The following PDE11A variants were observed in gnomAD, a reference collection of about 807,000 sequenced individuals.
The protein encoded by PDE11A is phosphodiesterase 11A, also known as dual 3',5'-cyclic-AMP and -GMP phosphodiesterase 11A.
A neutral mutation model predicts 100.5 loss-of-function variants in PDE11A; 100 were observed. The observed-to-expected ratio is 1.00, with a 90% confidence interval of 0.85 to 1.18. PDE11A has a LOEUF of 1.18. Among genes scored for constraint, PDE11A ranks in the 50% most tolerant of loss-of-function variants. The pLI, the probability that PDE11A is intolerant of heterozygous loss-of-function variation, is 0.00. For synonymous variants in PDE11A, 381 were observed against 420.8 expected (o/e 0.91, Z 1.16); for missense variants, 1,141 against 1,152.6 (o/e 0.99, Z 0.15).
chr2:177,927,457 G>A (rs889413022), intron 2 of PDE11A, among the ~76,000 whole-genome samples: 1 of 152,176 alleles, frequency 6.6e-6, no homozygotes, highest in South Asian at 2.1e-4. Flanking sequence ...GATTATAAGA[G>A]AACAAAACTC....
chr2:178,036,108 T>TGTATATTTAGAAAACCCCATTG (rs1234642726), intron 1 of PDE11A, among the ~76,000 whole-genome samples: 3 of 152,218 alleles, frequency 2.0e-5, no homozygotes, highest in Admixed American at 2.0e-4. Flanking sequence ...ATGACATGAT[T>TGTATATTTAGAAAACCCCATTG]GTATATTTAG....
intron 13 of PDE11A, among the ~76,000 whole-genome samples, chr2:177,702,944 G>C (rs754853032): frequency 6.6e-6 from 1 of 152,058 alleles, no homozygotes; most frequent in Non-Finnish European, 1.5e-5. Flanking sequence ...CTTAATGTTA[G>C]TTACTATTTG....
intron 2 of PDE11A, among the ~76,000 whole-genome samples, chr2:177,996,816 A>G (rs192343495): frequency 6.6e-6 from 1 of 152,328 alleles, no homozygotes; most frequent in East Asian, 1.9e-4. Context: ...AAAGAGGAAA[A>G]TCAGTAACTT....
In PDE11A at chr2:177,979,091, AAAAG is replaced by A. The variant is rs1170444924; in HGVS notation, c.1071+35207_1071+35210del. 1.3e-4 allele frequency among the ~76,000 whole-genome samples: 18 copies of A among 142,910 alleles called. 1 individual carries two copies. In the South Asian group the frequency reaches 1.6e-3, roughly 13 times the overall value. 93.8% of individuals were successfully genotyped at this position (142,910 alleles called of 152,430 possible). On this transcript the variant is annotated intron_variant, in intron 2 of 19. Coordinates refer to ENST00000286063, the MANE Select transcript of PDE11A (RefSeq NM_016953.4). ...TTAGAGTATAATAAAAAAAAAAAAA[AAAAG>A]AAAGAAAATGGCTTACATGAATTTC...
In PDE11A at chr2:177,684,376, C is replaced by G. The variant is rs115671748; in HGVS notation, c.2346-3473G>C. Among the ~76,000 whole-genome samples, 291 of 152,160 alleles carry G rather than the reference C, an allele frequency of 1.9e-3. 2 individuals are homozygous for G. The highest frequency in any genetic ancestry group is 3.2e-3 in the Non-Finnish European group (218 of 67,994). On this transcript the variant is annotated intron_variant, in intron 15 of 19. Transcript: ENST00000286063. ...AGTGGGTGCCAAAAAACTTAGTTAT[C>G]AAGATAAATATTTTAATGTGATATT...
intron 10 of PDE11A, among the ~76,000 whole-genome samples, chr2:177,763,663 C>T (rs967816716): frequency 6.6e-6 from 1 of 152,154 alleles, no homozygotes; most frequent in Non-Finnish European, 1.5e-5. Flanking sequence ...AGGTCTACCC[C>T]TCTTCCTCTT....
upstream of PDE11A, among the ~76,000 whole-genome samples, chr2:178,073,646 T>C (rs1382352415): frequency 6.6e-6 from 1 of 152,230 alleles, no homozygotes; most frequent in Non-Finnish European, 1.5e-5. Flanking sequence ...CAGTAAATGT[T>C]AGCTGTTGTA....
chr2:177,659,526 CA>C (rs2080443323), intron 19 of PDE11A, among the ~76,000 whole-genome samples: 1 of 152,132 alleles, frequency 6.6e-6, no homozygotes, highest in Non-Finnish European at 1.5e-5. Context: ...AGCTAAAAAT[CA>C]GATTACATTC....
At chr2:178,059,553 G>C (rs1368717348) in intron 1 of PDE11A, among the ~76,000 whole-genome samples, 1 of 152,128 alleles carries the variant, frequency 6.6e-6, no homozygotes, top group Non-Finnish European at 1.5e-5. Flanking sequence ...TTTTCACTGA[G>C]TCCTATAAAT....
intron 1 of PDE11A, among the ~76,000 whole-genome samples, chr2:178,050,930 T>C (rs1288886470): frequency 1.3e-5 from 2 of 152,176 alleles, no homozygotes; most frequent in African/African-American, 4.8e-5. Flanking sequence ...TGGAAAACAA[T>C]CTTTAGGATA....
rs556914706 is a variant in PDE11A, at chr2:177,757,689, T to G, written c.1788+11634A>C. On this transcript the variant is annotated intron_variant, in intron 10 of 19. Coordinates refer to ENST00000286063, the MANE Select transcript of PDE11A (RefSeq NM_016953.4). ...TCACCTTTCGTGGGTGTGGATTTGA[T>G]TATAGTGAGTGTAAAGAAGTACCTG... Among the ~76,000 whole-genome samples, 3 of 152,154 alleles carry G rather than the reference T, an allele frequency of 2.0e-5. No homozygotes were observed. The East Asian group carries it at 5.8e-4, about 29-fold the overall frequency.
intron 5 of PDE11A, among the ~76,000 whole-genome samples, chr2:177,860,200 T>C (rs993548357): frequency 1.3e-5 from 2 of 150,470 alleles, no homozygotes; most frequent in African/African-American, 4.9e-5. Flanking sequence ...GTAAAATTGG[T>C]AATCCTTTAG....
intron 1 of PDE11A, among the ~76,000 whole-genome samples, chr2:178,049,535 G>A (rs972173921): frequency 1.3e-5 from 2 of 152,332 alleles, no homozygotes; most frequent in Non-Finnish European, 2.9e-5. Context: ...TGGAGCATGA[G>A]CCGAAGCAGG....
intron 2 of PDE11A, among the ~76,000 whole-genome samples, chr2:177,949,802 T>C (rs2085485373): frequency 1.3e-5 from 2 of 152,198 alleles, no homozygotes; most frequent in South Asian, 4.1e-4. Flanking sequence ...TCAAAGACAG[T>C]AGAGTCATTT....
chr2:178,000,053 TG>T (rs1236367390), intron 2 of PDE11A, among the ~76,000 whole-genome samples: 1 of 151,834 alleles, frequency 6.6e-6, no homozygotes, highest in Non-Finnish European at 1.5e-5. Context: ...ATGAAAGGGG[TG>T]GGGGAAATGC....
chr2:177,828,295 C>T (rs1213043933), intron 6 of PDE11A, among the ~76,000 whole-genome samples: 1 of 151,814 alleles, frequency 6.6e-6, no homozygotes, highest in Non-Finnish European at 1.5e-5. Flanking sequence ...TATTTAATGA[C>T]ATAAAGCATA....
chr2:177,983,685 T>A (rs960818234), intron 2 of PDE11A, among the ~76,000 whole-genome samples: 4 of 152,136 alleles, frequency 2.6e-5, no homozygotes, highest in Non-Finnish European at 5.9e-5. Context: ...GAAACTTTTT[T>A]GTATGTTCTG....
intron 15 of PDE11A, among the ~76,000 whole-genome samples, chr2:177,688,876 T>C (rs2080997987): frequency 6.6e-6 from 1 of 152,256 alleles, no homozygotes; most frequent in African/African-American, 2.4e-5. Context: ...AAGGCATCTT[T>C]TATTTGTAAA....
chr2:177,751,554 G>A (rs2082027052), intron 10 of PDE11A, among the ~76,000 whole-genome samples: 1 of 152,200 alleles, frequency 6.6e-6, no homozygotes, highest in Admixed American at 6.5e-5. Flanking sequence ...AGCTGGGGAA[G>A]AAGCCTGGGA....
Sources: allele counts gnomAD v4.1 joint callset (sites outside exome capture counted in the v4.1 genomes callset), GRCh38; gene constraint gnomAD v4.1.1; transcripts MANE v1.5; gene names NCBI Gene and HGNC (gene_info 2026-07-23, HGNC 2026-07-21).